Variants in SARS2 observed in about 807,000 individuals in gnomAD.
The protein encoded by SARS2 is seryl-tRNA synthetase 2, mitochondrial.
A neutral mutation model predicts 66.8 loss-of-function variants in SARS2; 52 were observed. That is an observed-to-expected ratio of 0.78 (90% confidence interval 0.62 to 0.98). SARS2 has a LOEUF of 0.98. SARS2 is among the 50% of genes least tolerant of loss of function. SARS2 has a pLI of 0.00. For missense variants in SARS2, 673 were observed against 706.3 expected (o/e 0.95, Z 0.53); for synonymous variants, 306 against 281.4 (o/e 1.09, Z -0.87).
chr19:38,919,757 C>A lies in SARS2; in HGVS notation c.759+5G>T. 1.9e-6 allele frequency: 3 copies of A among 1,613,368 alleles called. No individual in the cohort carries two copies. Among genetic ancestry groups the A allele is most frequent in the Non-Finnish European group, 2.5e-6 (3 of 1,179,254 alleles). On this transcript the variant is annotated splice_donor_5th_base_variant and intron_variant, in intron 7 of 15. Coordinates refer to ENST00000221431, the MANE Select transcript of SARS2 (RefSeq NM_017827.4). ...TCCAGGCAGCCCTCCTATCTTGGCC[C>A]ATACCCGGCGGAGAAGCTTGTTGAA...
At position 38,921,626 on chromosome 19, in the gene SARS2, G is replaced by C. The variant is rs749967210; in HGVS notation, c.435C>G (p.Ile145Met). 6.2e-7 allele frequency: 1 copy of C among 1,614,098 alleles called. No individual in the cohort carries two copies. The highest frequency in any genetic ancestry group is 1.3e-5 in the African/African-American group (1 of 74,938). The change falls in exon 4 of 16, where the codon ATC becomes ATG. Residue 145 changes from isoleucine (I) to methionine (M), a missense_variant. Transcript: ENST00000221431. Reference protein sequence around the residue: ...YQGLRARGREIRKELVHLYPR... With the variant: ...YQGLRARGREMRKELVHLYPR... ...GGTACAGGTGAACAAGCTCCTTCCG[G>C]ATCTCCCGGCCACGTGCCCGCAGAC...
chr19:38,923,203 C>A (rs1367217899), intron 2 of SARS2, among the ~76,000 whole-genome samples: 2 of 132,998 alleles, frequency 1.5e-5, no homozygotes, highest in Non-Finnish European at 3.2e-5. Context: ...CCGCGCCCAG[C>A]CTGATCTCAG....
rs760863297 is a variant in SARS2, at chr19:38,921,074, G to GACAC, written c.589+314_589+317dup. 1.2e-4 allele frequency among the ~76,000 whole-genome samples: 11 copies of GACAC among 93,400 alleles called. No homozygotes were observed. The East Asian group carries it at 3.0e-3, about 25-fold the overall frequency. 61.3% of individuals were successfully genotyped at this position (93,400 alleles called of 152,430 possible). On this transcript the variant is annotated intron_variant, in intron 5 of 15. Transcript: ENST00000221431. ...ATACAGACACACACATACAGATACA[G>GACAC]ACACACAGATACAGACACACATGAC...
intron 7 of SARS2, 101 bp downstream of exon 7, chr19:38,919,661 G>T: frequency 1.1e-6 from 1 of 888,320 alleles, no homozygotes; most frequent in Non-Finnish European, 1.9e-6. Context: ...TCTGAGAGCA[G>T]TGACTAGGGC....
In SARS2 at chr19:38,916,025, T is replaced by G; in HGVS notation, c.1347+12A>C. ...GCGAGGGCACGCGGGCAGGAGGCTG[T>G]GCGGGCCTCACCGTGTGGGCAAACT... On this transcript the variant is annotated intron_variant, in intron 14 of 15. Coordinates refer to ENST00000221431, the MANE Select transcript of SARS2 (RefSeq NM_017827.4). The G allele has an allele frequency of 6.2e-7, 1 of 1,613,080 alleles. No homozygotes were observed. The highest frequency in any genetic ancestry group is 1.1e-5 in the South Asian group (1 of 91,054).
intron 1 of SARS2, among the ~76,000 whole-genome samples, chr19:38,926,536 A>G (rs972267671): frequency 1.3e-5 from 2 of 152,198 alleles, no homozygotes; most frequent in African/African-American, 2.4e-5. Flanking sequence ...CTATAATCCC[A>G]GCACTTTGGG....
intron 5 of SARS2, among the ~76,000 whole-genome samples, chr19:38,920,970 G>C (rs200119729): frequency 0.28 from 37,593 of 134,074 alleles, 5,386 homozygotes; most frequent in East Asian, 0.49. Flanking sequence ...CACAGATACA[G>C]ACACACACAA....
At chr19:38,928,153 T>G (rs1974660798) in intron 1 of SARS2, 1 of 151,666 alleles carries the variant, frequency 6.6e-6, no homozygotes, top group Non-Finnish European at 1.5e-5. Flanking sequence ...CCGTGGCCAG[T>G]GGATCATTTG....
At position 38,917,858 on chromosome 19, in the gene SARS2, G is replaced by T. The variant is rs745872395; in HGVS notation, c.1051-25C>A. On this transcript the variant is annotated intron_variant, in intron 11 of 15. Coordinates refer to ENST00000221431, the MANE Select transcript of SARS2 (RefSeq NM_017827.4). ...CCTGGGACAGAGGGCACAGGAGTCA[G>T]GAGGCTCTGAGCTCTTGGGGTGGCC... is the stretch of plus-strand genomic sequence containing the variant. The T allele has an allele frequency of 9.9e-6, 16 of 1,613,228 alleles. No individual in the cohort carries two copies. In the Admixed American group the frequency reaches 2.2e-4, roughly 22 times the overall value.
intron 15 of SARS2, 30 bp from the exon 16 acceptor site, chr19:38,915,779 C>A (rs781365698): frequency 1.6e-5 from 25 of 1,612,662 alleles, no homozygotes; most frequent in Admixed American, 3.3e-5. Context: ...CAGGACACTG[C>A]AGATGCCCCA....
Position 38,918,535 on chromosome 19 carries a change from G to A in SARS2, c.808-5C>T. 6.2e-7 allele frequency: 1 copy of A among 1,609,058 alleles called. No homozygotes were observed. The highest frequency in any genetic ancestry group is 1.1e-5 in the South Asian group (1 of 90,956). On this transcript the variant is annotated splice_region_variant and splice_polypyrimidine_tract_variant and intron_variant, in intron 8 of 15. Transcript: ENST00000221431. ...TGGTGTCATCCCACAGCCTTCCTGG[G>A]GGAGGAGGCCAGGCCACAGGGATCA...
In SARS2 at chr19:38,917,978, T is replaced by A. The variant is rs1974448251; in HGVS notation, c.993A>T (p.Ala331=). The change falls in exon 11 of 16, where the codon GCA becomes GCT. Residue 331 remains alanine (A), a synonymous_variant. Transcript: ENST00000221431. The part of the protein sequence containing the change: ...RMVCSSTCYR[A]ETNTGQEPRG... ...GGGGTTCCTGTCCCGTGTTTGTCTC[T>A]GCCCGGTAGCAGGTGCTGGAGCAAA... 6.2e-7 allele frequency: 1 copy of A among 1,605,594 alleles called. No homozygotes were observed. Among genetic ancestry groups the A allele is most frequent in the African/African-American group, 1.3e-5 (1 of 74,770 alleles).
chr19:38,925,369 C>T (rs141197920), intron 2 of SARS2, among the ~76,000 whole-genome samples: 130 of 152,256 alleles, frequency 8.5e-4, no homozygotes, highest in African/African-American at 2.8e-3. Context: ...AGAACTCTGA[C>T]GCAGTTCACC....
At chr19:38,929,045 C>T (rs964090698) in intron 1 of SARS2, among the ~76,000 whole-genome samples, 25 of 148,430 alleles carry the variant, frequency 1.7e-4, no homozygotes, top group Non-Finnish European at 3.6e-4. Context: ...GGTGAAACCC[C>T]GTCTCTACTA....
At chr19:38,921,696 G>A (rs775427482) in intron 3 of SARS2, 29 bp from the exon 4 acceptor site, 24 of 1,612,952 alleles carry the variant, frequency 1.5e-5, no homozygotes, top group Admixed American at 8.3e-5. Flanking sequence ...GGCTCAGCCC[G>A]GGAGAGGGTC....
At chr19:38,916,923 A>G (rs1035626297) in intron 12 of SARS2, among the ~76,000 whole-genome samples, 1 of 151,272 alleles carries the variant, frequency 6.6e-6, no homozygotes, top group Non-Finnish European at 1.5e-5. Context: ...CCGGCCTCCC[A>G]AAGTGCTGGG....
chr19:38,921,332 A>C, intron 5 of SARS2, 60 bp downstream of exon 5: 2 of 1,578,118 alleles, frequency 1.3e-6, no homozygotes, highest in East Asian at 2.3e-5. Context: ...CCCCACCCCG[A>C]GACCCCAGAA....
intron 8 of SARS2, 82 bp downstream of exon 8, chr19:38,918,684 C>G: frequency 6.6e-7 from 1 of 1,506,474 alleles, no homozygotes; most frequent in Non-Finnish European, 9.0e-7. Context: ...CCAGGGCGGT[C>G]TCCTCAGGTT....
In SARS2 at chr19:38,925,379, C is replaced by T. The variant is rs1487563544; in HGVS notation, c.363+826G>A. 7.9e-5 allele frequency among the ~76,000 whole-genome samples: 12 copies of T among 152,296 alleles called. No individual in the cohort carries two copies. In the East Asian group the frequency reaches 2.1e-3, roughly 27 times the overall value. On this transcript the variant is annotated intron_variant, in intron 2 of 15. Transcript: ENST00000221431. ...CCCACAGAACTCTGACGCAGTTCAC[C>T]CTTCCCTGGTAGCCTGTAGTTCAGG...
Sources: gnomAD v4.1 joint callset for allele counts (sites outside exome capture counted in the v4.1 genomes callset) on GRCh38, gnomAD v4.1.1 for gene constraint, MANE v1.5 for transcripts, NCBI Gene and HGNC (gene_info 2026-07-23, HGNC 2026-07-21) for gene names.